The following MPRIP variants were observed in gnomAD, a reference collection of about 807,000 sequenced individuals.
The protein encoded by MPRIP is myosin phosphatase Rho interacting protein, also known as myosin phosphatase Rho-interacting protein.
In MPRIP, 59 loss-of-function variants were observed where a neutral mutation model predicts 234.9. That is an observed-to-expected ratio of 0.25 (90% CI 0.20 to 0.31). MPRIP has a LOEUF of 0.31. Among genes scored for constraint, MPRIP ranks in the 10% least tolerant of loss-of-function variants. The probability of loss-of-function intolerance (pLI) is 1.00; values close to 1 mark genes in which losing one functional copy is unlikely to be tolerated. For synonymous variants in MPRIP, 1,144 were observed against 1,263.9 expected, an observed-to-expected ratio of 0.91 and a Z score of 2.01; for missense variants, 2,436 against 3,071.0, an observed-to-expected ratio of 0.79 and a Z score of 4.89.
chr17:17,146,155 C>A, intron 10 of MPRIP, 63 bp downstream of exon 10: 1 of 1,489,284 alleles, frequency 6.7e-7, no homozygotes, highest in Non-Finnish European at 9.3e-7. Flanking sequence ...GTGAGCTGTC[C>A]TTGTCCCCAG....
At chr17:17,061,708 C>G (rs2088872307) in intron 1 of MPRIP, among the ~76,000 whole-genome samples, 1 of 152,166 alleles carries the variant, frequency 6.6e-6, no homozygotes, top group African/African-American at 2.4e-5. Context: ...GATGACCACT[C>G]TGCTTGGAGT....
chr17:17,079,089 A>T (rs1004071096), intron 3 of MPRIP, among the ~76,000 whole-genome samples: 1 of 151,778 alleles, frequency 6.6e-6, no homozygotes, highest in Admixed American at 6.6e-5. Context: ...GGTGCCTGGG[A>T]TTTTTGGGTG....
At chr17:17,121,342 C>A (rs1255584669) in intron 3 of MPRIP, among the ~76,000 whole-genome samples, 1 of 152,208 alleles carries the variant, frequency 6.6e-6, no homozygotes, top group Non-Finnish European at 1.5e-5. Flanking sequence ...ATTGATGTAT[C>A]CAAACCTAGC....
intron 14 of MPRIP, 127 bp from the exon 15 acceptor site, chr17:17,161,113 T>A: frequency 1.7e-6 from 1 of 587,398 alleles, no homozygotes; most frequent in Non-Finnish European, 3.0e-6. Context: ...TATCAGCACA[T>A]CTGCTGAAAT....
intron 16 of MPRIP, chr17:17,168,647 T>G: frequency 2.9e-6 from 1 of 350,002 alleles, no homozygotes. Context: ...CCCCACCCTT[T>G]GTAGCTGCAG....
chr17:17,125,957 C>T (rs761291255), intron 3 of MPRIP, among the ~76,000 whole-genome samples: 5 of 152,136 alleles, frequency 3.3e-5, no homozygotes, highest in Admixed American at 6.5e-5. Flanking sequence ...AGCATCCTTA[C>T]GTTGGGAGAG....
chr17:17,143,754 C>G (rs2045393536), intron 9 of MPRIP, 85 bp downstream of exon 9: 1 of 845,556 alleles, frequency 1.2e-6, no homozygotes, highest in African/African-American at 1.8e-5. Flanking sequence ...GTCTATGCGT[C>G]CATGCCAGCT....
At chr17:17,069,694 T>TC (rs2089147936) in intron 1 of MPRIP, among the ~76,000 whole-genome samples, 1 of 152,222 alleles carries the variant, frequency 6.6e-6, no homozygotes, top group Non-Finnish European at 1.5e-5. Flanking sequence ...GTCTGTTCAC[T>TC]CCTTTACCTT....
At chr17:17,047,830 G>T (rs1400998188) in intron 1 of MPRIP, among the ~76,000 whole-genome samples, 1 of 152,216 alleles carries the variant, frequency 6.6e-6, no homozygotes, top group Admixed American at 6.5e-5. Context: ...AGTCTTGGAT[G>T]TGGAGGTGGT....
chr17:17,145,502 C>T (rs531217417), intron 9 of MPRIP, among the ~76,000 whole-genome samples: 84 of 152,320 alleles, frequency 5.5e-4, no homozygotes, highest in Admixed American at 1.3e-3. Context: ...CATCCTGCTT[C>T]TTGTGGGGGA....
chr17:17,108,142 C>T (rs566026809), intron 3 of MPRIP, among the ~76,000 whole-genome samples: 4 of 152,350 alleles, frequency 2.6e-5, no homozygotes. Flanking sequence ...TTTCTTGTGG[C>T]TGGCATGGCC....
At chr17:17,141,186 C>T (rs2090808450) in intron 7 of MPRIP, among the ~76,000 whole-genome samples, 1 of 152,204 alleles carries the variant, frequency 6.6e-6, no homozygotes, top group African/African-American at 2.4e-5. Context: ...TTCTAGGCCC[C>T]AGTGTTGGGC....
At chr17:17,069,576 ATC>A (rs928369708) in intron 1 of MPRIP, among the ~76,000 whole-genome samples, 7 of 148,152 alleles carry the variant, frequency 4.7e-5, no homozygotes, top group African/African-American at 1.5e-4. Flanking sequence ...TTTTAAGTGT[ATC>A]TCTTTGTATA....
intron 7 of MPRIP, among the ~76,000 whole-genome samples, chr17:17,140,531 C>G (rs1567743975): frequency 6.6e-6 from 1 of 152,166 alleles, no homozygotes; most frequent in East Asian, 1.9e-4. Context: ...TTCCTGTCCC[C>G]TGGTTGATTA....
intron 19 of MPRIP, among the ~76,000 whole-genome samples, chr17:17,174,963 G>A (rs1019907419): frequency 1.3e-5 from 2 of 152,196 alleles, no homozygotes; most frequent in African/African-American, 4.8e-5. Context: ...ACCCCCTGGG[G>A]CTGGGAACAT....
chr17:17,162,334 T>G (rs2045891901), intron 15 of MPRIP, among the ~76,000 whole-genome samples: 1 of 152,200 alleles, frequency 6.6e-6, no homozygotes, highest in South Asian at 2.1e-4. Flanking sequence ...TCACGTATTG[T>G]CTACATTTGC....
At chr17:17,145,903 A>G in intron 9 of MPRIP, 133 bp from the exon 10 acceptor site, 1 of 848,800 alleles carries the variant, frequency 1.2e-6, no homozygotes, top group Non-Finnish European at 1.9e-6. Context: ...AGGGGGCTGC[A>G]CAGGCTTGTC....
intron 9 of MPRIP, among the ~76,000 whole-genome samples, chr17:17,144,116 G>C (rs373730288): frequency 5.3e-5 from 8 of 152,226 alleles, no homozygotes; most frequent in African/African-American, 1.9e-4. Flanking sequence ...GGGCCTCAGA[G>C]CTATGACAAC....
At chr17:17,072,894 A>G (rs76356343) in intron 1 of MPRIP, among the ~76,000 whole-genome samples, 2,451 of 152,146 alleles carry the variant, frequency 0.016, 63 homozygotes, top group African/African-American at 0.056. Context: ...CCTGTTATCT[A>G]TGGGGTCCTT....
Sources: allele counts gnomAD v4.1 joint callset (sites outside exome capture counted in the v4.1 genomes callset), GRCh38; gene constraint gnomAD v4.1.1; transcripts MANE v1.5; gene names NCBI Gene and HGNC (gene_info 2026-07-23, HGNC 2026-07-21).